The following USH2A variants were observed in gnomAD, a reference collection of about 807,000 sequenced individuals.
The protein encoded by USH2A is usherin.
USH2A carries 443 observed loss-of-function variants against 538.9 expected under a neutral mutation model. The ratio of observed to expected loss-of-function variants is 0.82; its 90% CI spans 0.76 to 0.89. The LOEUF (loss-of-function observed/expected upper bound fraction) is 0.89. Among genes scored for constraint, USH2A ranks in the 40% least tolerant of loss-of-function variants. The pLI is 0.00. For missense variants in USH2A, 6,633 were observed against 6,324.8 expected (o/e 1.05, Z -1.65); for synonymous variants, 2,413 against 2,273.5 (o/e 1.06, Z -1.75).
chr1:215,758,471 C>A, intron 58 of USH2A, 124 bp downstream of exon 58: 1 of 1,223,438 alleles, frequency 8.2e-7, no homozygotes, highest in Non-Finnish European at 1.2e-6. Flanking sequence ...TTTTTCTGTT[C>A]ATATTTATCC....
At chr1:216,313,709 G>A (rs960688233) in intron 9 of USH2A, among the ~76,000 whole-genome samples, 3 of 151,792 alleles carry the variant, frequency 2.0e-5, no homozygotes, top group African/African-American at 7.3e-5. Context: ...AGAGTCTGCT[G>A]GTGATAATAT....
intron 49 of USH2A, among the ~76,000 whole-genome samples, chr1:215,806,860 T>G (rs980376907): frequency 2.0e-5 from 3 of 152,104 alleles, no homozygotes; most frequent in African/African-American, 7.2e-5. Flanking sequence ...CTTAGCATTT[T>G]TTTCATATAT....
At chr1:215,940,789 G>A (rs1479273135) in intron 37 of USH2A, among the ~76,000 whole-genome samples, 1 of 152,088 alleles carries the variant, frequency 6.6e-6, no homozygotes, top group Non-Finnish European at 1.5e-5. Context: ...AGTCAAAGCT[G>A]TACTTCTTTG....
chr1:215,859,515 C>CAG (rs1664260496), intron 44 of USH2A, among the ~76,000 whole-genome samples: 1 of 152,100 alleles, frequency 6.6e-6, no homozygotes, highest in African/African-American at 2.4e-5. Context: ...GCCTGAGTGA[C>CAG]AGAATGAGAC....
At chr1:216,362,537 T>C (rs2038512410) in intron 4 of USH2A, among the ~76,000 whole-genome samples, 1 of 152,202 alleles carries the variant, frequency 6.6e-6, no homozygotes, top group South Asian at 2.1e-4. Context: ...TGTTATGCAT[T>C]AGAGCAATCT....
In USH2A at chr1:215,630,527, T is replaced by TGAGA. The variant is rs371310533; in HGVS notation, c.15298-1496_15298-1493dup. ...ATATATATATATATATATATATATA[T>TGAGA]GAGAGAGAGAAAGTTGGGTTTTGCA... On this transcript the variant is annotated intron_variant, in intron 70 of 71. Coordinates refer to ENST00000307340, the MANE Select transcript of USH2A (RefSeq NM_206933.4). 6.0e-3 allele frequency among the ~76,000 whole-genome samples: 724 copies of TGAGA among 121,558 alleles called. 6 individuals are homozygous for TGAGA. Among genetic ancestry groups the TGAGA allele is most frequent in the South Asian group, 0.027 (102 of 3,726 alleles). 79.7% of individuals were successfully genotyped at this position (121,558 alleles called of 152,430 possible).
chr1:216,190,816 T>C lies in USH2A; in HGVS notation c.4252-449A>G, dbSNP rs183648524. Among the ~76,000 whole-genome samples the C allele has an allele frequency of 5.1e-3, 780 of 152,054 alleles. 7 individuals carry two copies. The highest frequency in any genetic ancestry group is 9.4e-3 in the Non-Finnish European group (639 of 67,912). On this transcript the variant is annotated intron_variant, in intron 19 of 71. Transcript: ENST00000307340. Reference sequence around the variant, plus strand: ...TGCCGTTGCTATGTTAAATCGATACTATCATTTTCTTTATGAAAAAAAGTC... The same window carrying C: ...TGCCGTTGCTATGTTAAATCGATACCATCATTTTCTTTATGAAAAAAAGTC...
chr1:216,369,024 T>C (rs2038652358), intron 3 of USH2A, among the ~76,000 whole-genome samples: 1 of 152,136 alleles, frequency 6.6e-6, no homozygotes, highest in South Asian at 2.1e-4. Flanking sequence ...ATGATACAAA[T>C]ATAAGGAACA....
At chr1:216,119,584 T>G (rs2033083765) in intron 21 of USH2A, among the ~76,000 whole-genome samples, 1 of 152,128 alleles carries the variant, frequency 6.6e-6, no homozygotes, top group Non-Finnish European at 1.5e-5. Flanking sequence ...TGGTAAAAGA[T>G]GATGTATTTT....
chr1:216,037,670 G>T (rs2030050654), intron 32 of USH2A, among the ~76,000 whole-genome samples: 1 of 152,006 alleles, frequency 6.6e-6, no homozygotes, highest in Non-Finnish European at 1.5e-5. Context: ...TAAGTAGAAA[G>T]TTCACTCAAC....
At chr1:216,250,779 G>GTTTTTTTTT in intron 12 of USH2A, 124 bp downstream of exon 12, 2 of 969,786 alleles carry the variant, frequency 2.1e-6, no homozygotes, top group Admixed American at 4.2e-5. Flanking sequence ...CATCCAAATT[G>GTTTTTTTTT]TTTTTTTTTC....
Position 216,084,855 on chromosome 1 carries a change from C to A in USH2A, c.5010G>T (p.Val1670=). 1 of 1,613,280 alleles carries A rather than the reference C, an allele frequency of 6.2e-7. No individual in the cohort carries two copies. The highest frequency in any genetic ancestry group is 1.3e-5 in the African/African-American group (1 of 74,966). ...TAAAATGTACATCCTTGAGACAGCC[C>A]ACAAAACCTTTTTGGATTATCTCTG... ...KDPEIIQKGF[V]GCLKDVHFMK... is the part of the protein sequence containing the mutation. Residue 1670 remains valine (V), a synonymous_variant, in exon 25 of 72, where the codon GTG becomes GTT. Transcript: ENST00000307340.
At chr1:215,669,457 T>C (rs1024527547) in intron 64 of USH2A, among the ~76,000 whole-genome samples, 2 of 152,248 alleles carry the variant, frequency 1.3e-5, no homozygotes, top group Non-Finnish European at 2.9e-5. Flanking sequence ...AAAATAATTT[T>C]GTTTTTAGAT....
intron 64 of USH2A, among the ~76,000 whole-genome samples, chr1:215,664,728 G>A (rs147205667): frequency 1.5e-4 from 23 of 152,204 alleles, no homozygotes; most frequent in African/African-American, 5.5e-4. Context: ...AGGTTATTAG[G>A]TTGCATAGGG....
At chr1:215,718,213 G>A (rs1420336607) in intron 61 of USH2A, among the ~76,000 whole-genome samples, 6 of 152,296 alleles carry the variant, frequency 3.9e-5, no homozygotes, top group Non-Finnish European at 5.9e-5. Flanking sequence ...TTCACAGGTG[G>A]TGGGTGTGGG....
intron 3 of USH2A, among the ~76,000 whole-genome samples, chr1:216,373,502 G>T (rs752228411): frequency 2.0e-5 from 3 of 152,048 alleles, no homozygotes; most frequent in Non-Finnish European, 4.4e-5. Context: ...AACGTTACAG[G>T]AAAGTCACAA....
At position 216,146,151 on chromosome 1, in the gene USH2A, G is replaced by A. The variant is rs536512702; in HGVS notation, c.4627+29101C>T. Among the ~76,000 whole-genome samples, 7 of 152,248 alleles carry A rather than the reference G, an allele frequency of 4.6e-5. No homozygotes were observed. The East Asian group carries it at 1.4e-3, about 30-fold the overall frequency. The stretch of plus-strand genomic sequence containing the variant: ...TGAGAAAGATCCACCTACGACCTCA[G>A]GTCCTCAGACCGACCAGCCCAAGAA... On this transcript the variant is annotated intron_variant, in intron 21 of 71. Transcript: ENST00000307340.
chr1:216,202,982 GT>G (rs1294517640), intron 16 of USH2A, among the ~76,000 whole-genome samples: 6 of 152,212 alleles, frequency 3.9e-5, no homozygotes, highest in African/African-American at 1.4e-4. Context: ...TCCCCACTCA[GT>G]AAGGAGAACT....
chr1:216,103,203 G>A (rs922623598), intron 21 of USH2A, among the ~76,000 whole-genome samples: 1 of 152,250 alleles, frequency 6.6e-6, no homozygotes, highest in African/African-American at 2.4e-5. Flanking sequence ...CCCACTGGGG[G>A]CCCAGTAGTG....
Sources: gnomAD v4.1 joint callset for allele counts (sites outside exome capture counted in the v4.1 genomes callset) on GRCh38, gnomAD v4.1.1 for gene constraint, MANE v1.5 for transcripts, NCBI Gene and HGNC (gene_info 2026-07-23, HGNC 2026-07-21) for gene names.